KDM4C: variants seen among roughly 807,000 people sequenced by gnomAD.
KDM4C encodes the protein lysine demethylase 4C.
A neutral mutation model predicts 129.3 loss-of-function variants in KDM4C; 81 were observed. The observed-to-expected ratio is 0.63, with a 90% CI of 0.52 to 0.75. The LOEUF (loss-of-function observed/expected upper bound fraction) is 0.75, where lower values mean the gene tolerates loss of function less well. KDM4C is among the 30% of genes least tolerant of loss of function. KDM4C has a pLI of 0.00. For synonymous variants in KDM4C, 573 were observed against 456.1 expected (o/e 1.26, Z -3.26); for missense variants, 1,457 against 1,304.0 (o/e 1.12, Z -1.81).
At position 6,893,440 on chromosome 9, in the gene KDM4C, T is replaced by A. The variant is rs1846388690; in HGVS notation, c.921+208T>A. 1.3e-5 allele frequency: 5 copies of A among 394,194 alleles called. No individual in the cohort carries two copies. The South Asian group carries it at 2.4e-4, about 19-fold the overall frequency. The allele number at this position is 394,194 out of a possible 1,614,324, so 24.4% of individuals were successfully genotyped here. A position where few individuals can be genotyped will look rare whatever the true frequency, so the allele number is the denominator to read the frequency against. On this transcript the variant is annotated intron_variant, in intron 8 of 21. Coordinates refer to ENST00000381309, the MANE Select transcript of KDM4C (RefSeq NM_015061.6). ...CTGAATTTGTCTGTTTTGAGATTAA[T>A]GTGGAGCAATTTACCCTGATAGGTA...
At chr9:7,036,138 ATT>A (rs1051170877) in intron 15 of KDM4C, among the ~76,000 whole-genome samples, 116 of 151,926 alleles carry the variant, frequency 7.6e-4, no homozygotes, top group African/African-American at 2.8e-3. Flanking sequence ...TTTCCCATTT[ATT>A]TGTATCTCCT....
chr9:7,152,376 T>C (rs1842804784), intron 19 of KDM4C, among the ~76,000 whole-genome samples: 1 of 152,206 alleles, frequency 6.6e-6, no homozygotes, highest in South Asian at 2.1e-4. Context: ...TAAAAGATAA[T>C]TAATAGCTAA....
intron 5 of KDM4C, among the ~76,000 whole-genome samples, chr9:6,858,300 T>G (rs1052690993): frequency 1.3e-5 from 2 of 152,078 alleles, no homozygotes; most frequent in African/African-American, 4.8e-5. Context: ...TAAATTCCCC[T>G]TAGGATGCTT....
chr9:6,729,927 T>C (rs62566468), intron 1 of KDM4C, among the ~76,000 whole-genome samples: 15,063 of 133,164 alleles, frequency 0.11, 3,039 homozygotes, highest in Non-Finnish European at 0.15. Flanking sequence ...CTGGCCAACA[T>C]GGCGAAAATT....
chr9:7,129,250 G>T (rs753716608), intron 19 of KDM4C, among the ~76,000 whole-genome samples: 1 of 152,208 alleles, frequency 6.6e-6, no homozygotes, highest in Non-Finnish European at 1.5e-5. Flanking sequence ...GCTAAAGACA[G>T]TTTCTAGGAT....
chr9:6,806,878 GTCTCCCTCTCCCTCTCCCTCTCCC>G (rs763666519), intron 3 of KDM4C, among the ~76,000 whole-genome samples: 12 of 139,450 alleles, frequency 8.6e-5, no homozygotes, highest in East Asian at 2.0e-4. Flanking sequence ...CTCCGTCTCC[GTCTCCCTCTCCCTCTCCCTCTCCC>G]TCTCCCTCTC....
At chr9:6,857,651 A>G (rs947308601) in intron 5 of KDM4C, among the ~76,000 whole-genome samples, 1 of 152,208 alleles carries the variant, frequency 6.6e-6, no homozygotes, top group South Asian at 2.1e-4. Flanking sequence ...GTTACCGATC[A>G]AGTTTAACGT....
intron 19 of KDM4C, among the ~76,000 whole-genome samples, chr9:7,155,215 G>C (rs1440206205): frequency 6.6e-6 from 1 of 152,166 alleles, no homozygotes; most frequent in Non-Finnish European, 1.5e-5. Flanking sequence ...CCTGGTTCCT[G>C]GTGCTGAACC....
chr9:7,154,436 G>C (rs1469426495), intron 19 of KDM4C, among the ~76,000 whole-genome samples: 2 of 152,186 alleles, frequency 1.3e-5, no homozygotes, highest in Non-Finnish European at 2.9e-5. Flanking sequence ...TACCTGCTCT[G>C]TGGTTTATAC....
chr9:6,810,552 T>A (rs969125843), intron 3 of KDM4C, among the ~76,000 whole-genome samples: 6 of 152,210 alleles, frequency 3.9e-5, no homozygotes, highest in African/African-American at 1.4e-4. Flanking sequence ...TGAAAAATTA[T>A]TTCTAGCTTT....
chr9:6,805,098 A>G (rs1181998278), intron 2 of KDM4C, among the ~76,000 whole-genome samples: 1 of 151,992 alleles, frequency 6.6e-6, no homozygotes, highest in Admixed American at 6.6e-5. Context: ...GCGGGGTTTC[A>G]CCATGTTATC....
chr9:6,954,211 C>G (rs1021475120), intron 8 of KDM4C, among the ~76,000 whole-genome samples: 1 of 152,200 alleles, frequency 6.6e-6, no homozygotes, highest in Non-Finnish European at 1.5e-5. Flanking sequence ...CTAGTTCAAA[C>G]AGCAGGGCTG....
intron 4 of KDM4C, among the ~76,000 whole-genome samples, chr9:6,843,313 A>G (rs1837313871): frequency 6.6e-6 from 1 of 152,198 alleles, no homozygotes; most frequent in Admixed American, 6.5e-5. Flanking sequence ...CCCCTCTAAA[A>G]AGCTGTGGTC....
intron 5 of KDM4C, 149 bp downstream of exon 5, chr9:6,849,849 C>G: frequency 1.6e-6 from 1 of 636,414 alleles, no homozygotes; most frequent in South Asian, 2.1e-5. Flanking sequence ...TAATTGTCTT[C>G]TATTCTGTCT....
chr9:6,920,323 A>T (rs528149476), intron 8 of KDM4C, among the ~76,000 whole-genome samples: 1 of 152,294 alleles, frequency 6.6e-6, no homozygotes, highest in East Asian at 1.9e-4. Flanking sequence ...AGGTTTTATA[A>T]TAGTGATGTT....
chr9:7,049,105 A>T lies in KDM4C; in HGVS notation c.2329A>T (p.Met777Leu). ...CCTTTCCTGTAGGTGGGCCCATGTC[A>T]TGTGCGCCGTTGCGGTCCCAGAAGT... ...QTKNNKWAHV[M>L]CAVAVPEVRF... Residue 777 changes from methionine (M) to leucine (L), a missense_variant, in exon 17 of 22, where the codon ATG (methionine) becomes TTG (leucine). By Grantham distance (15) the Met-to-Leu change is conservative. Transcript: ENST00000381309. The T allele has an allele frequency of 6.2e-7, 1 of 1,612,014 alleles. No homozygotes were observed. The highest frequency in any genetic ancestry group is 8.5e-7 in the Non-Finnish European group (1 of 1,178,456).
chr9:6,921,844 C>A (rs1342625900), intron 8 of KDM4C, among the ~76,000 whole-genome samples: 1 of 152,084 alleles, frequency 6.6e-6, no homozygotes, highest in Non-Finnish European at 1.5e-5. Context: ...CCACTCTGTA[C>A]CAACACAGTA....
intron 11 of KDM4C, chr9:6,986,882 G>A (rs557053143): frequency 2.2e-5 from 10 of 455,582 alleles, no homozygotes; most frequent in Non-Finnish European, 3.1e-5. Context: ...TTATGGCCAC[G>A]TGTCGATGCT....
At chr9:6,740,650 C>T (rs887193674) in intron 1 of KDM4C, among the ~76,000 whole-genome samples, 2 of 152,118 alleles carry the variant, frequency 1.3e-5, no homozygotes, top group South Asian at 4.1e-4. Context: ...TCCGGAGTAG[C>T]TGGGATTACA....
Sources: allele counts gnomAD v4.1 joint callset (sites outside exome capture counted in the v4.1 genomes callset), GRCh38; gene constraint gnomAD v4.1.1; transcripts MANE v1.5; gene names NCBI Gene and HGNC (gene_info 2026-07-23, HGNC 2026-07-21).